Variants in ZNF44 observed in about 807,000 individuals in gnomAD.
ZNF44 encodes zinc finger protein 44.
Under a neutral mutation model 11.7 loss-of-function variants are expected in ZNF44, and 9 were observed. That is an observed-to-expected ratio of 0.77 (90% CI 0.46 to 1.35). The LOEUF (loss-of-function observed/expected upper bound fraction) is 1.35. Ranked by LOEUF, ZNF44 falls within the 40% of genes most tolerant of loss-of-function variation. The pLI is 0.00. For missense variants in ZNF44, 696 were observed against 743.1 expected, an observed-to-expected ratio of 0.94 and a Z score of 0.74; for synonymous variants, 224 against 242.7, an observed-to-expected ratio of 0.92 and a Z score of 0.72.
chr19:12,250,883 T>G lies in ZNF44; in HGVS notation c.1913-515A>C, dbSNP rs1916964254. The G allele has an allele frequency of 6.7e-6, 3 of 447,502 alleles. No individual in the cohort carries two copies. The Admixed American group carries it at 7.3e-5, about 11-fold the overall frequency. 27.7% of individuals were successfully genotyped at this position (447,502 alleles called of 1,614,324 possible). ...CTGACCATATTGTCCTGAGGTACTC[T>G]AGGATATTCGAGGTAGTCAGATCCA... On this transcript the variant is annotated intron_variant and NMD_transcript_variant, in intron 5 of 7. Coordinates refer to the ZNF44 transcript ENST00000393337.
intron 1 of ZNF44, among the ~76,000 whole-genome samples, chr19:12,283,548 C>T (rs1967581712): frequency 6.6e-6 from 1 of 152,132 alleles, no homozygotes; most frequent in Non-Finnish European, 1.5e-5. Flanking sequence ...CCAGGATGGT[C>T]ATGATCTTCT....
upstream of ZNF44, among the ~76,000 whole-genome samples, chr19:12,240,410 A>T (rs1916572281): frequency 6.9e-6 from 1 of 145,790 alleles, no homozygotes; most frequent in East Asian, 2.0e-4. Flanking sequence ...GTGCCACTAC[A>T]CTCCAGCCTG....
chr19:12,226,359 A>T (rs975608375), exon 4 of ZNF44: 15 of 152,220 alleles, frequency 9.9e-5, no homozygotes, highest in African/African-American at 3.6e-4. Flanking sequence ...AGAAAGTGAC[A>T]TTCTTTACTT....
At chr19:12,254,939 A>G (rs1917179129) in intron 5 of ZNF44, among the ~76,000 whole-genome samples, 1 of 151,774 alleles carries the variant, frequency 6.6e-6, no homozygotes, top group South Asian at 2.1e-4. Flanking sequence ...ATACAAAAAA[A>G]TTAGCCAGGC....
At chr19:12,287,051 AATATATATAT>A (rs148270912) in intron 1 of ZNF44, among the ~76,000 whole-genome samples, 7 of 148,586 alleles carry the variant, frequency 4.7e-5, no homozygotes, top group African/African-American at 1.7e-4. Flanking sequence ...ACACACGTAT[AATATATATAT>A]ATATACACAT....
At position 12,272,605 on chromosome 19, in the gene ZNF44, A is replaced by G; in HGVS notation, c.1650T>C (p.His550=). ...GTCTTTCTCCAGTGTGAGTCCTTTCATGTCTTAGAAGGAAAGAGGGCCAAA... is the reference window on the plus strand; with the variant it reads ...GTCTTTCTCCAGTGTGAGTCCTTTCGTGTCTTAGAAGGAAAGAGGGCCAAA... ...AFFWPSFLLR[H]ERTHTGERPY... The change falls in exon 4 of 4, where the codon CAT becomes CAC. Residue 550 remains histidine (H), a synonymous_variant. Coordinates refer to ENST00000355684, the MANE Select transcript of ZNF44 (RefSeq NM_016264.4). 1 of 1,613,218 alleles carries G rather than the reference A, an allele frequency of 6.2e-7. No individual in the cohort carries two copies. Among genetic ancestry groups the G allele is most frequent in the Non-Finnish European group, 8.5e-7 (1 of 1,179,632 alleles).
upstream of ZNF44, chr19:12,237,973 T>C (rs889360842): frequency 6.6e-6 from 1 of 152,224 alleles, no homozygotes; most frequent in Non-Finnish European, 1.5e-5. Context: ...CCGTGTCCAA[T>C]TGAGCCAGTA....
intron 5 of ZNF44, among the ~76,000 whole-genome samples, chr19:12,257,389 C>G (rs2145700387): frequency 6.6e-6 from 1 of 152,172 alleles, no homozygotes; most frequent in Middle Eastern, 3.4e-3. Flanking sequence ...GTGGCTCACA[C>G]CTATAATCCC....
rs566856936 is a variant in ZNF44, at chr19:12,273,003, C to T, written c.1252G>A (p.Glu418Lys). Residue 418 changes from glutamate (E) to lysine (K), a missense_variant, in exon 4 of 4, where the codon GAG (glutamate) becomes AAG (lysine). Glu to Lys is a moderately conservative substitution (Grantham distance 56, BLOSUM62 1). Coordinates refer to ENST00000355684, the MANE Select transcript of ZNF44 (RefSeq NM_016264.4). ...FQRHERTHTG[E>K]KPYECKQCGK... ...CATTGCTTGCATTCATAGGGTTTCT[C>T]TCCAGTGTGAGTCCTTTCATGTCTT... The T allele has an allele frequency of 9.3e-6, 15 of 1,614,114 alleles. No individual in the cohort carries two copies. The East Asian group carries it at 3.1e-4, about 34-fold the overall frequency.
chr19:12,284,910 G>A (rs951600254), intron 1 of ZNF44: 2 of 719,796 alleles, frequency 2.8e-6, no homozygotes, highest in East Asian at 2.7e-5. Flanking sequence ...CAGGGACACT[G>A]GCATCGTCTC....
intron 1 of ZNF44, among the ~76,000 whole-genome samples, chr19:12,236,468 G>C (rs1226215879): frequency 6.6e-6 from 1 of 152,172 alleles, no homozygotes; most frequent in Non-Finnish European, 1.5e-5. Context: ...CACCTGGATA[G>C]ACCTGTCAGA....
downstream of ZNF44, among the ~76,000 whole-genome samples, chr19:12,268,654 G>A (rs1471197175): frequency 1.3e-5 from 2 of 152,004 alleles, no homozygotes; most frequent in Non-Finnish European, 2.9e-5. Context: ...CATGATCATA[G>A]CTCACCACAG....
rs184026065 is a variant in ZNF44, at chr19:12,286,997, C to T, written c.3+7695G>A. Among the ~76,000 whole-genome samples, 318 of 151,306 alleles carry T rather than the reference C, an allele frequency of 2.1e-3. 2 individuals are homozygous for T. Among genetic ancestry groups the T allele is most frequent in the African/African-American group, 7.4e-3 (304 of 41,242 alleles). Reference sequence around the variant, plus strand: ...ACTAATTCAGTAGCCTTGGGTAATACCCTAAAATGTGCATTCCTTTTATAT... The same window carrying T: ...ACTAATTCAGTAGCCTTGGGTAATATCCTAAAATGTGCATTCCTTTTATAT... On this transcript the variant is annotated intron_variant, in intron 1 of 3. Coordinates refer to ENST00000355684, the MANE Select transcript of ZNF44 (RefSeq NM_016264.4).
chr19:12,257,884 T>A (rs1282416324), intron 5 of ZNF44, among the ~76,000 whole-genome samples: 1 of 149,974 alleles, frequency 6.7e-6, no homozygotes, highest in Non-Finnish European at 1.5e-5. Flanking sequence ...GGCAGAAGAA[T>A]CACTTGAACC....
At position 12,235,225 on chromosome 19, in the gene ZNF44, C is replaced by T. The variant is rs1028506440; in HGVS notation, n.139-317G>A. Among the ~76,000 whole-genome samples, 7 of 151,978 alleles carry T rather than the reference C, an allele frequency of 4.6e-5. 1 individual carries two copies. The highest frequency in any genetic ancestry group is 1.0e-4 in the Non-Finnish European group (7 of 68,000). On this transcript the variant is annotated intron_variant and non_coding_transcript_variant, in intron 1 of 3. Coordinates refer to the ZNF44 transcript ENST00000597563. The stretch of plus-strand genomic sequence containing the variant: ...TCTACTAAAAATACAAAAAATTAGC[C>T]GGGCGTGGTAGCAGGCGCCTGTAGT...
At chr19:12,248,226 T>A in exon 8 of ZNF44, 2 of 1,304,908 alleles carry the variant, frequency 1.5e-6, no homozygotes, top group Non-Finnish European at 2.0e-6. Context: ...AGCCTTTTCA[T>A]GTTTTTGAGC....
chr19:12,265,899 G>C (rs1917709208), intron 5 of ZNF44, among the ~76,000 whole-genome samples: 1 of 152,306 alleles, frequency 6.6e-6, no homozygotes, highest in South Asian at 2.1e-4. Flanking sequence ...CCTTATCAAC[G>C]ATGTAAGGAA....
At position 12,250,431 on chromosome 19, in the gene ZNF44, C is replaced by T. The variant is rs577689644; in HGVS notation, c.1913-63G>A. 4.0e-6 allele frequency: 5 copies of T among 1,243,998 alleles called. No individual in the cohort carries two copies. The East Asian group carries it at 1.9e-4, about 47-fold the overall frequency. 77.1% of individuals were successfully genotyped at this position (1,243,998 alleles called of 1,614,324 possible). On this transcript the variant is annotated intron_variant and NMD_transcript_variant, in intron 5 of 7. Transcript: ENST00000393337. Reference sequence around the variant, plus strand: ...AGACTGACAGCACTGGACATCTATACTCGAGTCATAAGATGTTCACGATGA... The same window carrying T: ...AGACTGACAGCACTGGACATCTATATTCGAGTCATAAGATGTTCACGATGA...
rs372858594 is a variant in ZNF44, at chr19:12,273,864, G to C, written c.391C>G (p.Arg131Gly). The C allele has an allele frequency of 3.9e-5, 63 of 1,613,972 alleles. No homozygotes were observed. Among genetic ancestry groups the C allele is most frequent in the Non-Finnish European group, 5.3e-5 (63 of 1,180,032 alleles). Residue 131 changes from arginine to glycine, a missense_variant, in exon 4 of 4, where the codon CGG becomes GGG. Arg to Gly is a moderately radical substitution (Grantham distance 125). Coordinates refer to ENST00000355684, the MANE Select transcript of ZNF44 (RefSeq NM_016264.4). The stretch of plus-strand genomic sequence containing the variant: ...TTCTCTGCATATTCATGACACTCCC[G>C]GTGTTTGTGTCCAGTATCAACTCTG... ...YIRVDTGHKH[R>G]ECHEYAEKSY...
Sources: gnomAD v4.1 joint callset for allele counts (sites outside exome capture counted in the v4.1 genomes callset) on GRCh38, gnomAD v4.1.1 for gene constraint, MANE v1.5 for transcripts, NCBI Gene and HGNC (gene_info 2026-07-23, HGNC 2026-07-21) for gene names.